Variants in BCAS3 observed in about 807,000 individuals in gnomAD.
The protein encoded by BCAS3 is BCAS3 microtubule associated cell migration factor, also known as BCAS4/BCAS3 fusion.
Under a neutral mutation model 116.1 loss-of-function variants are expected in BCAS3, and 53 were observed. The observed-to-expected ratio is 0.46, with a 90% CI of 0.37 to 0.57. The LOEUF (loss-of-function observed/expected upper bound fraction) is 0.57. Ranked by LOEUF, BCAS3 falls within the 20% of genes least tolerant of loss-of-function variation. The pLI is 0.00. For missense variants in BCAS3, 917 were observed against 1,165.4 expected (o/e 0.79, Z 3.10); for synonymous variants, 391 against 408.2 (o/e 0.96, Z 0.51).
At position 61,220,922 on chromosome 17, in the gene BCAS3, A is replaced by G. The variant is rs2082072468; in HGVS notation, c.2425+136358A>G. Among the ~76,000 whole-genome samples, 1 of 152,164 alleles carries G rather than the reference A, an allele frequency of 6.6e-6. No individual in the cohort carries two copies. The highest frequency in any genetic ancestry group is 1.5e-5 in the Non-Finnish European group (1 of 68,020). On this transcript the variant is annotated intron_variant, in intron 22 of 23. Transcript: ENST00000407086. The surrounding 1 kb of genome is among the most constrained non-coding windows in gnomAD (Gnocchi z 4.5). ...GAGACCATCCTGGCCAACACGGTGA[A>G]ACCCCATCTCTACTAAAAATACAAA...
At chr17:60,703,369 A>G (rs556206879) in intron 4 of BCAS3, among the ~76,000 whole-genome samples, 13 of 151,432 alleles carry the variant, frequency 8.6e-5, no homozygotes, top group Admixed American at 3.3e-4. Context: ...CGGGCAGATC[A>G]CTTGAGCTCA....
chr17:60,710,413 A>G lies in BCAS3; in HGVS notation c.321+1088A>G, dbSNP rs1598214118. Among the ~76,000 whole-genome samples, 14 of 150,642 alleles carry G rather than the reference A, an allele frequency of 9.3e-5. No individual in the cohort carries two copies. The South Asian group carries it at 2.9e-3, about 32-fold the overall frequency. ...GAATTACTAAGGAACAAGCACATTCACCTTTCAATTCTTTAACATTTTTTT... is the reference window on the plus strand; with the variant it reads ...GAATTACTAAGGAACAAGCACATTCGCCTTTCAATTCTTTAACATTTTTTT... On this transcript the variant is annotated intron_variant, in intron 5 of 23. Transcript: ENST00000407086.
rs370543787 is a variant in BCAS3, at chr17:61,148,604, A to G, written c.2425+64040A>G. Among the ~76,000 whole-genome samples, 249 of 152,326 alleles carry G rather than the reference A, an allele frequency of 1.6e-3. 9 individuals are homozygous for G. In the South Asian group the frequency reaches 0.049, roughly 30 times the overall value. On this transcript the variant is annotated intron_variant, in intron 22 of 23. Coordinates refer to ENST00000407086, the MANE Select transcript of BCAS3 (RefSeq NM_017679.5). ...GATATTTCCTGATTTTTTAAACACT[A>G]CAGGCTAACTGAAACAGTTTGTGAC...
chr17:60,928,982 C>A (rs1004126588), intron 13 of BCAS3, among the ~76,000 whole-genome samples: 1 of 152,158 alleles, frequency 6.6e-6, no homozygotes, highest in East Asian at 1.9e-4. Flanking sequence ...ACCTCAGTAG[C>A]TGGGTTTTTT....
At position 61,392,007 on chromosome 17, in the gene BCAS3, T is replaced by C; in HGVS notation, c.2624T>C (p.Leu875Pro). 6.2e-7 allele frequency: 1 copy of C among 1,613,876 alleles called. No individual in the cohort carries two copies. Among genetic ancestry groups the C allele is most frequent in the South Asian group, 1.1e-5 (1 of 91,076 alleles). Residue 875 changes from leucine to proline, a missense_variant, in exon 24 of 24, where the codon CTG becomes CCG. Coordinates refer to ENST00000407086, the MANE Select transcript of BCAS3 (RefSeq NM_017679.5). The surrounding 1 kb of genome is among the most constrained non-coding windows in gnomAD (Gnocchi z 6.4). ...ELQREGSIET[L>P]SNSSGSTSGS... ...CAGCGAGAGGGAAGCATCGAGACTC[T>C]GAGTAACAGCTCAGGCTCCACCAGC...
At chr17:60,686,366 G>T (rs2034045206) in intron 3 of BCAS3, among the ~76,000 whole-genome samples, 1 of 151,958 alleles carries the variant, frequency 6.6e-6, no homozygotes, top group African/African-American at 2.4e-5. Flanking sequence ...GTATTCTCTG[G>T]GTCTGCAAAT....
intron 15 of BCAS3, among the ~76,000 whole-genome samples, chr17:61,014,098 T>C (rs1260872557): frequency 6.6e-6 from 1 of 152,148 alleles, no homozygotes; most frequent in African/African-American, 2.4e-5. Flanking sequence ...TTTATATGTG[T>C]GTTTACTGTG....
Position 61,333,964 on chromosome 17 carries a change from TGA to T in BCAS3, c.2426-34361_2426-34360del, listed in dbSNP as rs1424867113. 6.6e-6 allele frequency among the ~76,000 whole-genome samples: 1 copy of T among 152,194 alleles called. No individual in the cohort carries two copies. The highest frequency in any genetic ancestry group is 1.9e-4 in the East Asian group (1 of 5,196). Reference sequence around the variant, plus strand: ...GTCATTTGCTTCCCTGATTGAGAGATGAGTCAGCATTCATATATTCATTCATT... The same window carrying T: ...GTCATTTGCTTCCCTGATTGAGAGATGTCAGCATTCATATATTCATTCATT... On this transcript the variant is annotated intron_variant, in intron 22 of 23. Transcript: ENST00000407086. This position sits in a 1 kb window ranked among gnomAD's most constrained non-coding sequence, Gnocchi z 4.8.
At position 61,214,085 on chromosome 17, in the gene BCAS3, A is replaced by C. The variant is rs977200752; in HGVS notation, c.2425+129521A>C. On this transcript the variant is annotated intron_variant, in intron 22 of 23. Transcript: ENST00000407086. The surrounding 1 kb of genome is among the most constrained non-coding windows in gnomAD (Gnocchi z 4.4). ...CAAAACTCGTTTGAGCTATAGGAAT[A>C]GGCCATTCGTGGTGGCTCACACCTG... is the stretch of plus-strand genomic sequence containing the variant. Among the ~76,000 whole-genome samples the C allele has an allele frequency of 3.9e-4, 60 of 152,242 alleles. No homozygotes were observed. The highest frequency in any genetic ancestry group is 1.3e-3 in the African/African-American group (55 of 41,542).
intron 22 of BCAS3, among the ~76,000 whole-genome samples, chr17:61,283,540 G>A (rs1342750529): frequency 1.3e-5 from 2 of 150,470 alleles, no homozygotes; most frequent in Admixed American, 6.7e-5. Flanking sequence ...TGCAAGCTCC[G>A]CCTCCTGGGT....
At chr17:61,045,865 A>AT (rs757031336) in intron 19 of BCAS3, among the ~76,000 whole-genome samples, 956 of 3,888 alleles carry the variant, frequency 0.25, 102 homozygotes, top group East Asian at 0.44. Context: ...ATATATATAT[A>AT]AATATATATA....
intron 19 of BCAS3, among the ~76,000 whole-genome samples, chr17:61,046,851 A>C (rs1009350860): frequency 2.0e-5 from 3 of 151,954 alleles, no homozygotes; most frequent in African/African-American, 7.2e-5. Context: ...AAATTATAAT[A>C]ATAGTAGACA....
intron 22 of BCAS3, among the ~76,000 whole-genome samples, chr17:61,350,820 G>T (rs1367024910): frequency 1.3e-5 from 2 of 152,086 alleles, no homozygotes; most frequent in African/African-American, 4.8e-5. Flanking sequence ...TTTTAGTAGA[G>T]ATGAGGCCTC....
At chr17:60,858,568 T>C (rs183274525) in intron 7 of BCAS3, among the ~76,000 whole-genome samples, 3 of 152,336 alleles carry the variant, frequency 2.0e-5, no homozygotes, top group Admixed American at 2.0e-4. Context: ...CACCTATTGA[T>C]GGACATTTAA....
At chr17:61,160,200 A>G (rs2089640674) in intron 22 of BCAS3, among the ~76,000 whole-genome samples, 2 of 151,114 alleles carry the variant, frequency 1.3e-5, no homozygotes, top group African/African-American at 2.4e-5. Context: ...TTTTTGCAGA[A>G]TTTTTGCATG....
At chr17:60,873,099 TTGAG>T (rs747646174) in intron 8 of BCAS3, among the ~76,000 whole-genome samples, 32 of 152,280 alleles carry the variant, frequency 2.1e-4, no homozygotes, top group Admixed American at 6.5e-4. Context: ...GAATTTACAA[TTGAG>T]TAATTCTAAA....
chr17:61,059,808 T>A (rs1055970660), intron 19 of BCAS3, among the ~76,000 whole-genome samples: 2 of 152,128 alleles, frequency 1.3e-5, no homozygotes, highest in African/African-American at 4.8e-5. Flanking sequence ...GGCAGATCGC[T>A]TGAGTCCAGG....
rs981928262 is a variant in BCAS3 at position 61,300,056 on chromosome 17, A to G, written c.2426-68271A>G. On this transcript the variant is annotated intron_variant, in intron 22 of 23. Coordinates refer to ENST00000407086, the MANE Select transcript of BCAS3 (RefSeq NM_017679.5). The surrounding 1 kb of genome is among the most constrained non-coding windows in gnomAD (Gnocchi z 5.1). ...TTGATTCTGACAGTTTTGACAAATC[A>G]GTTTATTAAAATTGTAAATGTAACC... is the stretch of plus-strand genomic sequence containing the variant. Among the ~76,000 whole-genome samples, 8 of 152,226 alleles carry G rather than the reference A, an allele frequency of 5.3e-5. No homozygotes were observed. Among genetic ancestry groups the G allele is most frequent in the African/African-American group, 1.9e-4 (8 of 41,458 alleles).
intron 3 of BCAS3, among the ~76,000 whole-genome samples, chr17:60,686,108 T>A (rs968182619): frequency 6.6e-6 from 1 of 152,084 alleles, no homozygotes; most frequent in Non-Finnish European, 1.5e-5. Context: ...GACCTTGTGA[T>A]CTGCCTGCCT....
Sources: gnomAD v4.1 joint callset for allele counts (sites outside exome capture counted in the v4.1 genomes callset) on GRCh38, gnomAD v4.1.1 for gene constraint, Gnocchi (gnomAD v3.1) non-coding constraint, MANE v1.5 for transcripts, NCBI Gene and HGNC (gene_info 2026-07-23, HGNC 2026-07-21) for gene names.